The following PPP1R13B variants were observed in gnomAD, a reference collection of about 807,000 sequenced individuals.
PPP1R13B encodes protein phosphatase 1 regulatory subunit 13B.
Under a neutral mutation model 119.8 loss-of-function variants are expected in PPP1R13B, and 44 were observed. That is an observed-to-expected ratio of 0.37 (90% CI 0.29 to 0.47). The LOEUF is 0.47. Among genes scored for constraint, PPP1R13B ranks in the 20% least tolerant of loss-of-function variants. The pLI, the probability that PPP1R13B is intolerant of heterozygous loss-of-function variation, is 0.99. For missense variants in PPP1R13B, 1,227 were observed against 1,413.5 expected (o/e 0.87, Z 2.12); for synonymous variants, 542 against 561.5 (o/e 0.97, Z 0.49).
At chr14:103,831,745 G>A (rs1418570834) in intron 1 of PPP1R13B, among the ~76,000 whole-genome samples, 1 of 151,866 alleles carries the variant, frequency 6.6e-6, no homozygotes, top group African/African-American at 2.4e-5. Context: ...AGACCAACCT[G>A]GCCAACATGG....
intron 1 of PPP1R13B, among the ~76,000 whole-genome samples, chr14:103,825,850 T>TC (rs1429244800): frequency 6.7e-6 from 1 of 149,042 alleles, no homozygotes; most frequent in Non-Finnish European, 1.5e-5. Context: ...TCTTTTCTTT[T>TC]TTTTTTTTTT....
intron 1 of PPP1R13B, among the ~76,000 whole-genome samples, chr14:103,840,609 T>G (rs1431020431): frequency 6.6e-6 from 1 of 151,682 alleles, no homozygotes; most frequent in Non-Finnish European, 1.5e-5. Flanking sequence ...GCCAACATGG[T>G]GAAACCCTGT....
intron 1 of PPP1R13B, among the ~76,000 whole-genome samples, chr14:103,831,863 G>T (rs971191728): frequency 2.0e-5 from 3 of 151,948 alleles, no homozygotes; most frequent in African/African-American, 7.2e-5. Context: ...TTGAACCTGG[G>T]AGGCGGAGGT....
chr14:103,738,982 C>T lies in PPP1R13B; in HGVS notation c.2634G>A (p.Thr878=), dbSNP rs199715803. The T allele has an allele frequency of 5.0e-6, 8 of 1,614,088 alleles. No homozygotes were observed. The highest frequency in any genetic ancestry group is 4.0e-5 in the African/African-American group (3 of 75,058). The change falls in exon 13 of 17, where the codon ACG becomes ACA. Residue 878 remains threonine (T), a synonymous_variant. Transcript: ENST00000202556. This position sits in a 1 kb window ranked among gnomAD's most constrained non-coding sequence, Gnocchi z 5.6. The part of the protein sequence containing the change: ...TNLKKPNSER[T]GHGLRVRFNP... Reference sequence around the variant, plus strand: ...TAAACCGGACTCTCAGCCCGTGCCCCGTCCGCTCCGAGTTGGGCTTCTTCA... The same window carrying T: ...TAAACCGGACTCTCAGCCCGTGCCCTGTCCGCTCCGAGTTGGGCTTCTTCA...
intron 16 of PPP1R13B, 82 bp from the exon 17 acceptor site, chr14:103,735,277 C>G: frequency 7.2e-7 from 1 of 1,384,466 alleles, no homozygotes. Flanking sequence ...TGCTCCTCAC[C>G]TCAGCCACCC....
upstream of PPP1R13B, chr14:103,847,782 C>T (rs2087102929): frequency 9.7e-6 from 3 of 308,958 alleles, no homozygotes; most frequent in African/African-American, 4.5e-5. Flanking sequence ...GGGGGAGGGG[C>T]GGACGCGCAG....
chr14:103,747,703 T>C (rs556202556), intron 8 of PPP1R13B, among the ~76,000 whole-genome samples: 2 of 152,334 alleles, frequency 1.3e-5, no homozygotes, highest in East Asian at 3.9e-4. Context: ...AACTGTGTCA[T>C]TGTTATGCCT....
At chr14:103,743,007 G>A (rs2084298205) in intron 9 of PPP1R13B, 184 bp from the exon 10 acceptor site, 3 of 647,626 alleles carry the variant, frequency 4.6e-6, no homozygotes, top group Non-Finnish European at 7.8e-6. Context: ...CCACAGACCC[G>A]TGCACAAGAC....
intron 2 of PPP1R13B, among the ~76,000 whole-genome samples, chr14:103,794,829 G>T (rs2152037902): frequency 6.6e-6 from 1 of 152,304 alleles, no homozygotes; most frequent in Admixed American, 6.5e-5. Flanking sequence ...TGTTTACTAA[G>T]TGCCTTCTAT....
intron 9 of PPP1R13B, 179 bp from the exon 10 acceptor site, chr14:103,743,002 G>A (rs1245041569): frequency 3.1e-5 from 21 of 670,326 alleles, no homozygotes; most frequent in Non-Finnish European, 5.2e-5. Flanking sequence ...AGCACCCACA[G>A]ACCCGTGCAC....
chr14:103,774,359 C>T (rs1332460176), intron 4 of PPP1R13B, among the ~76,000 whole-genome samples: 4 of 152,188 alleles, frequency 2.6e-5, no homozygotes, highest in South Asian at 2.1e-4. Context: ...GCTGATCTGG[C>T]TCTGAATCCT....
chr14:103,742,751 G>C lies in PPP1R13B; in HGVS notation c.1223C>G (p.Ala408Gly), dbSNP rs1324125793. The change falls in exon 10 of 17, where the codon GCA (alanine) becomes GGA (glycine). Residue 408 changes from alanine to glycine, a missense_variant. By Grantham distance (60) the Ala-to-Gly change is moderately conservative. Transcript: ENST00000202556. This position sits in a 1 kb window ranked among gnomAD's most constrained non-coding sequence, Gnocchi z 4.9. ...CTCCACGCTCGGATCCTTCCAGTCT[G>C]CACCGGCCACCTGCACTGGTTTCAC... is the stretch of plus-strand genomic sequence containing the variant. ...SSVKPVQVAG[A>G]DWKDPSVEGS... The C allele has an allele frequency of 6.2e-7, 1 of 1,614,052 alleles. No individual in the cohort carries two copies. The highest frequency in any genetic ancestry group is 1.3e-5 in the African/African-American group (1 of 74,932).
intron 2 of PPP1R13B, among the ~76,000 whole-genome samples, chr14:103,790,891 C>CTA (rs1567126253): frequency 6.6e-6 from 1 of 152,134 alleles, no homozygotes; most frequent in East Asian, 1.9e-4. Context: ...TGTAATACAG[C>CTA]TATAAACTTG....
At chr14:103,827,290 C>T (rs1032803339) in intron 1 of PPP1R13B, among the ~76,000 whole-genome samples, 7 of 151,940 alleles carry the variant, frequency 4.6e-5, no homozygotes, top group African/African-American at 1.7e-4. Context: ...GAGCAGAGAT[C>T]GCGCCACTGC....
chr14:103,734,339 C>G lies in PPP1R13B; in HGVS notation c.*815G>C. ...GTCCACCCCCAGCCCCAACCCCAAC[C>G]ACCCTCCGCTGCCACGGCCTCCAGC... On this transcript the variant is annotated 3_prime_UTR_variant, in exon 17 of 17. Coordinates refer to ENST00000202556, the MANE Select transcript of PPP1R13B (RefSeq NM_015316.3). 1 of 371,156 alleles carries G rather than the reference C, an allele frequency of 2.7e-6. No individual in the cohort carries two copies. The highest frequency in any genetic ancestry group is 3.2e-5 in the Admixed American group (1 of 30,966). The allele number at this position is 371,156 out of a possible 1,614,324, so 23.0% of individuals were successfully genotyped here.
At position 103,805,833 on chromosome 14, in the gene PPP1R13B, T is replaced by C. The variant is rs150976483; in HGVS notation, c.10-8315A>G. 1.3e-3 allele frequency among the ~76,000 whole-genome samples: 197 copies of C among 152,212 alleles called. 1 individual carries two copies. The East Asian group carries it at 0.032, about 25-fold the overall frequency. ...GAAATGCCCAAAACAGTCAAATCCA[T>C]AGAGAAAGAAAGATGTGTGGTTGCC... On this transcript the variant is annotated intron_variant, in intron 1 of 16. Coordinates refer to ENST00000202556, the MANE Select transcript of PPP1R13B (RefSeq NM_015316.3).
chr14:103,758,628 C>T (rs140085623), intron 4 of PPP1R13B, among the ~76,000 whole-genome samples: 2,061 of 152,338 alleles, frequency 0.014, 30 homozygotes, highest in Non-Finnish European at 0.022. Flanking sequence ...TGAGCCCCCA[C>T]TCTGGGTGAG....
Position 103,746,568 on chromosome 14 carries a change from G to A in PPP1R13B, c.970-15C>T. 2 of 1,558,712 alleles carry A rather than the reference G, an allele frequency of 1.3e-6. No homozygotes were observed. The highest frequency in any genetic ancestry group is 8.7e-7 in the Non-Finnish European group (1 of 1,144,920). ...ACACGGTTCAGCTACAAATTGGGAA[G>A]AAATGAGAGTCAAGATTCTCCTACA... On this transcript the variant is annotated splice_polypyrimidine_tract_variant and intron_variant, in intron 8 of 16. Transcript: ENST00000202556.
At chr14:103,813,139 T>G (rs1447773871) in intron 1 of PPP1R13B, among the ~76,000 whole-genome samples, 1 of 152,196 alleles carries the variant, frequency 6.6e-6, no homozygotes, top group Non-Finnish European at 1.5e-5. Context: ...TGCCAAAACT[T>G]GGAAGCAACC....
Sources: gnomAD v4.1 joint callset for allele counts (sites outside exome capture counted in the v4.1 genomes callset) on GRCh38, gnomAD v4.1.1 for gene constraint, Gnocchi (gnomAD v3.1) non-coding constraint, MANE v1.5 for transcripts, NCBI Gene and HGNC (gene_info 2026-07-23, HGNC 2026-07-21) for gene names.